Variants in RAPGEF1 observed in about 807,000 individuals in gnomAD.
RAPGEF1 encodes Rap guanine nucleotide exchange factor 1, also known as CRK SH3-binding GNRP.
Under a neutral mutation model 143.3 loss-of-function variants are expected in RAPGEF1, and 33 were observed. That is an observed-to-expected ratio of 0.23 (90% CI 0.17 to 0.31). The LOEUF is 0.31. RAPGEF1 is among the 10% of genes least tolerant of loss of function. The pLI is 1.00. For synonymous variants in RAPGEF1, 629 were observed against 676.5 expected (o/e 0.93, Z 1.09); for missense variants, 1,199 against 1,645.4 (o/e 0.73, Z 4.69).
chr9:131,619,590 G>A (rs913794380), intron 11 of RAPGEF1, among the ~76,000 whole-genome samples: 8 of 152,188 alleles, frequency 5.3e-5, no homozygotes, highest in East Asian at 1.9e-4. Context: ...GGCAGCCTGG[G>A]TTTGAGTCTG....
chr9:131,610,102 C>T (rs1005452227), intron 12 of RAPGEF1, among the ~76,000 whole-genome samples: 5 of 152,156 alleles, frequency 3.3e-5, no homozygotes, highest in Non-Finnish European at 5.9e-5. Flanking sequence ...TGCTGTGTTG[C>T]TCAGGCTGGT....
At position 131,580,178 on chromosome 9, in the gene RAPGEF1, C is replaced by G. The variant is rs889119259; in HGVS notation, c.3641+85G>C. 1.6e-5 allele frequency: 24 copies of G among 1,544,894 alleles called. No homozygotes were observed. The African/African-American group carries it at 2.4e-4, about 16-fold the overall frequency. ...GTCCCTGGGTCCTCTGTGGCTCCCC[C>G]TCCCCTCGGTGTCCCGGGCTGTCTC... On this transcript the variant is annotated intron_variant, in intron 26 of 26. Coordinates refer to ENST00000683357, the MANE Select transcript of RAPGEF1 (RefSeq NM_001377935.1).
chr9:131,720,752 T>G (rs564482214), intron 1 of RAPGEF1, among the ~76,000 whole-genome samples: 4 of 152,176 alleles, frequency 2.6e-5, no homozygotes, highest in African/African-American at 9.7e-5. Context: ...AAAATGAAAC[T>G]TCTTAGAAAA....
intron 1 of RAPGEF1, among the ~76,000 whole-genome samples, chr9:131,729,294 G>C (rs1836868302): frequency 8.6e-6 from 1 of 116,318 alleles, no homozygotes; most frequent in South Asian, 2.9e-4. Flanking sequence ...AGCCCTCTCA[G>C]TACCCTCTCC....
Position 131,633,494 on chromosome 9 carries a change from C to A in RAPGEF1, c.652-3170G>T, listed in dbSNP as rs1541054. 9.3e-4 allele frequency among the ~76,000 whole-genome samples: 142 copies of A among 152,304 alleles called. 1 individual carries two copies. Among genetic ancestry groups the A allele is most frequent in the African/African-American group, 2.9e-3 (122 of 41,554 alleles). On this transcript the variant is annotated intron_variant, in intron 5 of 26. Coordinates refer to ENST00000683357, the MANE Select transcript of RAPGEF1 (RefSeq NM_001377935.1). ...TCTGTGTTGTTTGCATCTGTTGATA[C>A]AGGAAAACATTCCTGGTTCTTCATT...
rs1477118157 is a variant in RAPGEF1, at chr9:131,583,172, G to T, written c.3415-470C>A. On this transcript the variant is annotated intron_variant, in intron 24 of 26. Coordinates refer to ENST00000683357, the MANE Select transcript of RAPGEF1 (RefSeq NM_001377935.1). The surrounding 1 kb of genome is among the most constrained non-coding windows in gnomAD (Gnocchi z 4.7). Reference sequence around the variant, plus strand: ...GTGACCTCGCCCTCCCCAGGGCTGGGTGGCTTCTCTCCTGCAGGGGTGGGG... The same window carrying T: ...GTGACCTCGCCCTCCCCAGGGCTGGTTGGCTTCTCTCCTGCAGGGGTGGGG... Among the ~76,000 whole-genome samples the T allele has an allele frequency of 6.6e-6, 1 of 152,144 alleles. No homozygotes were observed. Among genetic ancestry groups the T allele is most frequent in the Non-Finnish European group, 1.5e-5 (1 of 68,020 alleles).
chr9:131,622,662 G>A (rs1170702867), intron 10 of RAPGEF1, among the ~76,000 whole-genome samples: 3 of 152,152 alleles, frequency 2.0e-5, no homozygotes, highest in African/African-American at 2.4e-5. Flanking sequence ...AACAAGCACC[G>A]AGCAGAACTT....
At position 131,727,275 on chromosome 9, in the gene RAPGEF1, C is replaced by T. The variant is rs138697477; in HGVS notation, c.61+12495G>A. Among the ~76,000 whole-genome samples, 32 of 152,200 alleles carry T rather than the reference C, an allele frequency of 2.1e-4. 1 individual carries two copies. In the East Asian group the frequency reaches 4.6e-3, roughly 22 times the overall value. On this transcript the variant is annotated intron_variant, in intron 1 of 26. Coordinates refer to ENST00000683357, the MANE Select transcript of RAPGEF1 (RefSeq NM_001377935.1). Reference sequence around the variant, plus strand: ...ATCTTTCCAAGACCCCGGGTATTTGCGAATTCTCACTTATCATATAGTAGT... The same window carrying T: ...ATCTTTCCAAGACCCCGGGTATTTGTGAATTCTCACTTATCATATAGTAGT...
chr9:131,717,920 G>C (rs1835974466), intron 1 of RAPGEF1, among the ~76,000 whole-genome samples: 1 of 152,172 alleles, frequency 6.6e-6, no homozygotes, highest in African/African-American at 2.4e-5. Context: ...GCTAGGGATA[G>C]GGAGCAAAGG....
rs960202599 is a variant in RAPGEF1, at chr9:131,577,684, G to C, written c.*1813C>G. On this transcript the variant is annotated 3_prime_UTR_variant, in exon 27 of 27. Transcript: ENST00000683357. ...TGAAATGAAGGGACTTCAAAAAGAA[G>C]GAACAAACTAAAAACCCAACCCACA... 6.6e-6 allele frequency: 1 copy of C among 152,234 alleles called. No homozygotes were observed. Among genetic ancestry groups the C allele is most frequent in the African/African-American group, 2.4e-5 (1 of 41,424 alleles). 9.4% of individuals were successfully genotyped at this position (152,234 alleles called of 1,614,324 possible). A position where few individuals can be genotyped will look rare whatever the true frequency, so the allele number is the denominator to read the frequency against.
At chr9:131,594,167 C>A (rs1248151891) in intron 17 of RAPGEF1, among the ~76,000 whole-genome samples, 1 of 152,188 alleles carries the variant, frequency 6.6e-6, no homozygotes, top group Admixed American at 6.5e-5. Flanking sequence ...GATGGGACAG[C>A]GCCTGGCTTC....
intron 1 of RAPGEF1, among the ~76,000 whole-genome samples, chr9:131,674,410 C>A (rs1217419979): frequency 6.6e-6 from 1 of 152,138 alleles, no homozygotes; most frequent in Non-Finnish European, 1.5e-5. Context: ...TGCCCTCTTA[C>A]CCAAAGCAGT....
intron 1 of RAPGEF1, among the ~76,000 whole-genome samples, chr9:131,722,847 C>G (rs974793990): frequency 1.3e-4 from 20 of 151,976 alleles, no homozygotes; most frequent in African/African-American, 4.1e-4. Flanking sequence ...GCCTGGATAA[C>G]AGAGCAAAAC....
intron 1 of RAPGEF1, among the ~76,000 whole-genome samples, chr9:131,691,436 CTTG>C (rs1382121221): frequency 6.6e-6 from 1 of 152,108 alleles, no homozygotes; most frequent in African/African-American, 2.4e-5. Context: ...ATCATGTTAA[CTTG>C]TTGTATGCCA....
intron 1 of RAPGEF1, among the ~76,000 whole-genome samples, chr9:131,657,573 A>G (rs985275837): frequency 6.6e-6 from 1 of 151,940 alleles, no homozygotes; most frequent in Non-Finnish European, 1.5e-5. Flanking sequence ...AACCTTCTGC[A>G]GCGATGGAGG....
intron 1 of RAPGEF1, among the ~76,000 whole-genome samples, chr9:131,697,192 T>TCTCA (rs1554727958): frequency 1.1e-5 from 1 of 91,866 alleles, no homozygotes; most frequent in Non-Finnish European, 2.1e-5. Flanking sequence ...CTCCATCCCT[T>TCTCA]CTCGCTCCCT....
At position 131,614,142 on chromosome 9, in the gene RAPGEF1, C is replaced by A. The variant is rs906524863; in HGVS notation, c.2061+4909G>T. The stretch of plus-strand genomic sequence containing the variant: ...GTCAGACCAGTGTGTGCACCAACAC[C>A]CCCCCCCAAGGAGGGGCTGCCTTGA... On this transcript the variant is annotated intron_variant, in intron 12 of 26. Coordinates refer to ENST00000683357, the MANE Select transcript of RAPGEF1 (RefSeq NM_001377935.1). Among the ~76,000 whole-genome samples the A allele has an allele frequency of 3.1e-4, 46 of 149,350 alleles. 1 individual carries two copies. The highest frequency in any genetic ancestry group is 1.1e-3 in the Admixed American group (17 of 15,012).
rs189177616 is a variant in RAPGEF1, at chr9:131,673,668, T to C, written c.62-22719A>G. Among the ~76,000 whole-genome samples, 588 of 152,128 alleles carry C rather than the reference T, an allele frequency of 3.9e-3. 4 individuals are homozygous for C. The highest frequency in any genetic ancestry group is 0.012 in the African/African-American group (512 of 41,470). ...AAGCAGGACATTCCTATCAACTCCA[T>C]CTGTGGAGGGCTACAAAAGCACCCC... On this transcript the variant is annotated intron_variant, in intron 1 of 26. Transcript: ENST00000683357.
chr9:131,715,744 C>T (rs558311909), intron 1 of RAPGEF1, among the ~76,000 whole-genome samples: 6 of 151,616 alleles, frequency 4.0e-5, no homozygotes, highest in Non-Finnish European at 7.4e-5. Context: ...AGCACCTGTA[C>T]TCCCAAGCTA....
Sources: gnomAD v4.1 joint callset for allele counts (sites outside exome capture counted in the v4.1 genomes callset) on GRCh38, gnomAD v4.1.1 for gene constraint, Gnocchi (gnomAD v3.1) non-coding constraint, MANE v1.5 for transcripts, NCBI Gene and HGNC (gene_info 2026-07-23, HGNC 2026-07-21) for gene names.